Variants in LPCAT2 observed in about 807,000 individuals in gnomAD.
The protein encoded by LPCAT2 is lysophosphatidylcholine acyltransferase 2.
In LPCAT2, 58 loss-of-function variants were observed where a neutral mutation model predicts 64.7. The ratio of observed to expected loss-of-function variants is 0.90; its 90% CI spans 0.73 to 1.12. The LOEUF is 1.12. Ranked by LOEUF, LPCAT2 falls within the 50% of genes most tolerant of loss-of-function variation. The probability of loss-of-function intolerance (pLI) is 0.00; values close to 1 mark genes in which losing one functional copy is unlikely to be tolerated. For missense variants in LPCAT2, 579 were observed against 669.8 expected, an observed-to-expected ratio of 0.86 and a Z score of 1.50; for synonymous variants, 252 against 245.3, an observed-to-expected ratio of 1.03 and a Z score of -0.26.
intron 1 of LPCAT2, among the ~76,000 whole-genome samples, chr16:55,509,740 T>G (rs1400149763): frequency 2.0e-5 from 3 of 151,736 alleles, no homozygotes; most frequent in Non-Finnish European, 2.9e-5. Context: ...GGGGCGGAGA[T>G]GTGTGTCTGA....
chr16:55,553,461 G>A (rs194170), intron 11 of LPCAT2, among the ~76,000 whole-genome samples: 141,159 of 152,276 alleles, frequency 0.93, 66,013 homozygotes, highest in East Asian at 0.99. Context: ...GCTCATCTAT[G>A]AGAAGCATCT....
chr16:55,522,768 A>G (rs1963115319), intron 1 of LPCAT2, among the ~76,000 whole-genome samples: 1 of 151,686 alleles, frequency 6.6e-6, no homozygotes, highest in Admixed American at 6.6e-5. Context: ...ATGGTTAAAA[A>G]TGAACCTTGA....
At chr16:55,556,504 G>A (rs937130631) in intron 11 of LPCAT2, among the ~76,000 whole-genome samples, 2 of 152,166 alleles carry the variant, frequency 1.3e-5, no homozygotes, top group Non-Finnish European at 2.9e-5. Flanking sequence ...AGGGCCGGGC[G>A]CGGTGGCTCA....
intron 11 of LPCAT2, chr16:55,567,770 A>T: frequency 2.7e-6 from 1 of 372,690 alleles, no homozygotes. Flanking sequence ...GTTGTGGGGT[A>T]GAGTTCTAAT....
Position 55,567,263 on chromosome 16 carries a change from G to A in LPCAT2, c.1216-7368G>A, listed in dbSNP as rs766007477. 3 of 1,613,690 alleles carry A rather than the reference G, an allele frequency of 1.9e-6. No homozygotes were observed. The East Asian group carries it at 6.7e-5, about 36-fold the overall frequency. On this transcript the variant is annotated intron_variant, in intron 11 of 13. Transcript: ENST00000262134. ...ATGACAGGGACCATTCTGGGTCTCT[G>A]GGAAGTTCTCAGCTGCGGGGAGCTC...
In LPCAT2 at chr16:55,585,196, A is replaced by T. The variant is rs527544814; in HGVS notation, c.*2098A>T. On this transcript the variant is annotated 3_prime_UTR_variant, in exon 14 of 14. Transcript: ENST00000262134. ...ATTCTTAGCAATTAAAAAAATTCTG[A>T]TTCTGCCATTTTGTCTCAAATGTAA... is the stretch of plus-strand genomic sequence containing the variant. The T allele has an allele frequency of 7.2e-5, 11 of 152,292 alleles. No individual in the cohort carries two copies. The highest frequency in any genetic ancestry group is 1.2e-4 in the Non-Finnish European group (8 of 67,990). 9.4% of individuals were successfully genotyped at this position (152,292 alleles called of 1,614,324 possible). A position where few individuals can be genotyped will look rare whatever the true frequency, so the allele number is the denominator to read the frequency against.
intron 13 of LPCAT2, 91 bp from the exon 14 acceptor site, chr16:55,582,823 A>G: frequency 1.3e-6 from 1 of 798,642 alleles, no homozygotes; most frequent in East Asian, 2.6e-5. Context: ...GAATTTTGTA[A>G]TAATTGCATT....
chr16:55,525,879 A>G (rs1228421423), intron 2 of LPCAT2: 1 of 280,170 alleles, frequency 3.6e-6, no homozygotes, highest in East Asian at 6.1e-5. Context: ...CCAAATGCCA[A>G]CTACATTATG....
chr16:55,511,753 A>G (rs1962935441), intron 1 of LPCAT2, among the ~76,000 whole-genome samples: 1 of 152,240 alleles, frequency 6.6e-6, no homozygotes, highest in South Asian at 2.1e-4. Flanking sequence ...AAGTTGCCTA[A>G]TATTTTGCAA....
At chr16:55,534,892 C>T (rs1450614818) in intron 7 of LPCAT2, among the ~76,000 whole-genome samples, 5 of 152,088 alleles carry the variant, frequency 3.3e-5, no homozygotes, top group Non-Finnish European at 7.4e-5. Flanking sequence ...CCTGAAATAG[C>T]TATGATGTGT....
chr16:55,528,638 A>T, intron 3 of LPCAT2, 44 bp downstream of exon 3: 2 of 1,410,978 alleles, frequency 1.4e-6, no homozygotes, highest in Non-Finnish European at 1.0e-6. Flanking sequence ...TTTCATGCTC[A>T]TGCTTTAAAT....
chr16:55,523,519 T>A (rs908272970), intron 1 of LPCAT2, among the ~76,000 whole-genome samples: 1 of 151,806 alleles, frequency 6.6e-6, no homozygotes, highest in Admixed American at 6.6e-5. Flanking sequence ...TGAAAACTTA[T>A]AATAGGCCAA....
At chr16:55,519,642 T>C (rs1163237486) in intron 1 of LPCAT2, among the ~76,000 whole-genome samples, 4 of 152,142 alleles carry the variant, frequency 2.6e-5, no homozygotes, top group Non-Finnish European at 5.9e-5. Context: ...GAAAGAATGA[T>C]ATAAAACTTT....
intron 8 of LPCAT2, chr16:55,541,867 C>A: frequency 7.8e-7 from 1 of 1,287,398 alleles, no homozygotes; most frequent in Non-Finnish European, 1.0e-6. Context: ...AAGGAAGCAG[C>A]AAGCATTGTT....
In LPCAT2 at chr16:55,547,325, G is replaced by A. The variant is rs1247747244; in HGVS notation, c.935+1508G>A. Among the ~76,000 whole-genome samples the A allele has an allele frequency of 3.3e-5, 5 of 152,256 alleles. No homozygotes were observed. The East Asian group carries it at 9.7e-4, about 29-fold the overall frequency. On this transcript the variant is annotated intron_variant, in intron 9 of 13. Transcript: ENST00000262134. ...AACCTTGATTAGCTGCACAACTTTG[G>A]ACAAGTCTCCTCCAAATCCCCTTCT...
In LPCAT2 at chr16:55,586,332, C is replaced by G. The variant is rs892393622; in HGVS notation, c.*3234C>G. On this transcript the variant is annotated 3_prime_UTR_variant, in exon 14 of 14. Transcript: ENST00000262134. ...AGCCACATGTTCTAACAAATTGTCTCCATCGCACTTCAACAGCCAGGTCCC... is the reference window on the plus strand; with the variant it reads ...AGCCACATGTTCTAACAAATTGTCTGCATCGCACTTCAACAGCCAGGTCCC... 6.6e-6 allele frequency: 1 copy of G among 152,094 alleles called. No homozygotes were observed. The highest frequency in any genetic ancestry group is 2.4e-5 in the African/African-American group (1 of 41,430). The allele number at this position is 152,094 out of a possible 1,614,324, so 9.4% of individuals were successfully genotyped here. A position where few individuals can be genotyped will look rare whatever the true frequency, so the allele number is the denominator to read the frequency against.
intron 11 of LPCAT2, among the ~76,000 whole-genome samples, chr16:55,565,355 G>C (rs1331518752): frequency 1.3e-5 from 2 of 151,862 alleles, no homozygotes; most frequent in African/African-American, 4.8e-5. Flanking sequence ...TCCACTTCTT[G>C]GTATATACCC....
chr16:55,525,413 GAACACCATAA>G lies in LPCAT2; in HGVS notation c.172-91_172-82del, dbSNP rs1963155320. 3 of 1,093,728 alleles carry G rather than the reference GAACACCATAA, an allele frequency of 2.7e-6. No individual in the cohort carries two copies. The Middle Eastern group carries it at 6.6e-4, about 240-fold the overall frequency. The allele number at this position is 1,093,728 out of a possible 1,614,324, so 67.8% of individuals were successfully genotyped here. ...TCAATTCATCCTTGACTGAATGCAT[GAACACCATAA>G]AACTTTCCTATTACATGTTTCTGTT... On this transcript the variant is annotated intron_variant, in intron 1 of 13. Coordinates refer to ENST00000262134, the MANE Select transcript of LPCAT2 (RefSeq NM_017839.5).
intron 1 of LPCAT2, among the ~76,000 whole-genome samples, chr16:55,523,255 T>A (rs1963123438): frequency 6.6e-6 from 1 of 151,792 alleles, no homozygotes; most frequent in African/African-American, 2.4e-5. Context: ...TGAGATATCC[T>A]TTTATACCCA....
Sources: gnomAD v4.1 joint callset for allele counts (sites outside exome capture counted in the v4.1 genomes callset) on GRCh38, gnomAD v4.1.1 for gene constraint, MANE v1.5 for transcripts, NCBI Gene and HGNC (gene_info 2026-07-23, HGNC 2026-07-21) for gene names.